RGL1: variants seen among roughly 807,000 people sequenced by gnomAD.
RGL1 encodes ral guanine nucleotide dissociation stimulator like 1.
A neutral mutation model predicts 95.2 loss-of-function variants in RGL1; 24 were observed. The observed-to-expected ratio is 0.25, with a 90% CI of 0.18 to 0.35. The LOEUF is 0.35. RGL1 is among the 10% of genes least tolerant of loss of function. The probability of loss-of-function intolerance (pLI) is 1.00; values close to 1 mark genes in which losing one functional copy is unlikely to be tolerated. For missense variants in RGL1, 715 were observed against 936.3 expected (o/e 0.76, Z 3.08); for synonymous variants, 329 against 344.9 (o/e 0.95, Z 0.51).
At chr1:183,704,818 T>G (rs1654804350) in intron 1 of RGL1, among the ~76,000 whole-genome samples, 1 of 152,140 alleles carries the variant, frequency 6.6e-6, no homozygotes, top group African/African-American at 2.4e-5. Flanking sequence ...AACTGTTAGG[T>G]TGGCATGAAG....
intron 2 of RGL1, among the ~76,000 whole-genome samples, chr1:183,815,815 C>T (rs1254712680): frequency 6.6e-6 from 1 of 152,042 alleles, no homozygotes; most frequent in Non-Finnish European, 1.5e-5. Context: ...ATATGGTGTG[C>T]ACTCAACTCA....
Position 183,675,561 on chromosome 1 carries a change from A to G in RGL1, c.-33+39060A>G, listed in dbSNP as rs1652775538. Among the ~76,000 whole-genome samples the G allele has an allele frequency of 2.6e-5, 4 of 152,324 alleles. No individual in the cohort carries two copies. The South Asian group carries it at 8.3e-4, about 32-fold the overall frequency. ...ACCCAAGGATTCCTTTATTTCAGCC[A>G]TTTAACTAATGCTTAAATTCTTTCC... On this transcript the variant is annotated intron_variant, in intron 1 of 18. Transcript: ENST00000304685.
At chr1:183,884,637 T>C in intron 6 of RGL1, 86 bp from the exon 7 acceptor site, 32 of 1,140,110 alleles carry the variant, frequency 2.8e-5, no homozygotes, top group Non-Finnish European at 4.1e-5. Flanking sequence ...TTCACAAAAA[T>C]ACCAATTTAC....
At position 183,927,147 on chromosome 1, in the gene RGL1, A is replaced by G. The variant is rs1669659619; in HGVS notation, c.*855A>G. On this transcript the variant is annotated 3_prime_UTR_variant, in exon 18 of 18. Coordinates refer to ENST00000360851, the MANE Select transcript of RGL1 (RefSeq NM_001297671.3). ...CCATGTTCTTTGGTAATGAAGCCAG[A>G]AAAGAAAGCGCAAAAGAATGGTGAC... The G allele has an allele frequency of 6.6e-6, 1 of 152,628 alleles. No homozygotes were observed. Among genetic ancestry groups the G allele is most frequent in the Non-Finnish European group, 1.5e-5 (1 of 68,028 alleles). 9.5% of individuals were successfully genotyped at this position (152,628 alleles called of 1,614,324 possible). A position where few individuals can be genotyped will look rare whatever the true frequency, so the allele number is the denominator to read the frequency against.
intron 4 of RGL1, among the ~76,000 whole-genome samples, chr1:183,878,516 A>G (rs150044649): frequency 6.6e-6 from 1 of 152,298 alleles, no homozygotes; most frequent in East Asian, 1.9e-4. Flanking sequence ...GTATATTTAA[A>G]TATGTATACA....
chr1:183,867,915 T>G (rs1665935712), intron 4 of RGL1, among the ~76,000 whole-genome samples: 1 of 152,246 alleles, frequency 6.6e-6, no homozygotes, highest in African/African-American at 2.4e-5. Flanking sequence ...AGTATCTTTT[T>G]TAACTCCTGA....
intron 1 of RGL1, among the ~76,000 whole-genome samples, chr1:183,668,570 T>C (rs1446315072): frequency 3.3e-5 from 5 of 152,134 alleles, no homozygotes; most frequent in Non-Finnish European, 7.4e-5. Flanking sequence ...CCCAAAGTGT[T>C]CAGATTACAG....
chr1:183,779,880 T>A (rs910748253), intron 2 of RGL1, among the ~76,000 whole-genome samples: 5 of 152,070 alleles, frequency 3.3e-5, no homozygotes, highest in African/African-American at 9.7e-5. Context: ...GCATAGTGTG[T>A]GGGTGAAGAA....
rs747330647 is a variant in RGL1, at chr1:183,880,671, G to A, written c.481G>A (p.Glu161Lys). ...WLDQCAEDFR[E>K]PPHFPCLQKL... ...TGACCAGTGTGCAGAAGACTTCCGA[G>A]AGCCCCCTCACTTCCCTTGCTTACA... Residue 161 changes from glutamate to lysine, a missense_variant, in exon 5 of 18, where the codon GAG (glutamate) becomes AAG (lysine). Physicochemically the swap from Glu to Lys is moderately conservative, Grantham distance 56. Transcript: ENST00000360851. The A allele has an allele frequency of 6.2e-7, 1 of 1,613,928 alleles. No individual in the cohort carries two copies.
rs555659523 is a variant in RGL1 at position 183,781,327 on chromosome 1, A to T, written c.133-25048A>T. On this transcript the variant is annotated intron_variant, in intron 2 of 18. Coordinates refer to the RGL1 transcript ENST00000304685. ...ACTTCCCCCTTACCTTAGCTGGCTG[A>T]AAGTATTATGGATTGCTCTGCTAAG... Among the ~76,000 whole-genome samples, 6 of 152,310 alleles carry T rather than the reference A, an allele frequency of 3.9e-5. No homozygotes were observed. The East Asian group carries it at 7.7e-4, about 20-fold the overall frequency.
intron 14 of RGL1, among the ~76,000 whole-genome samples, chr1:183,907,815 T>G (rs1012309522): frequency 1.3e-5 from 2 of 151,908 alleles, no homozygotes; most frequent in Non-Finnish European, 2.9e-5. Flanking sequence ...TGTAGTGAGA[T>G]CCTGTCTCTA....
upstream of RGL1, among the ~76,000 whole-genome samples, chr1:183,801,626 C>T (rs1190189053): frequency 6.6e-6 from 1 of 152,124 alleles, no homozygotes; most frequent in African/African-American, 2.4e-5. Flanking sequence ...CTTTGTGTTG[C>T]TATAAAGGAA....
At chr1:183,779,670 G>A (rs994128210) in intron 2 of RGL1, among the ~76,000 whole-genome samples, 17 of 152,140 alleles carry the variant, frequency 1.1e-4, no homozygotes, top group African/African-American at 4.1e-4. Flanking sequence ...TTAATTCTGG[G>A]TCAAGGTGAG....
intron 2 of RGL1, among the ~76,000 whole-genome samples, chr1:183,828,741 T>G (rs544183483): frequency 1.1e-3 from 162 of 152,316 alleles, no homozygotes; most frequent in African/African-American, 3.0e-3. Flanking sequence ...AATTTACTAG[T>G]CAAAAATGAA....
intron 1 of RGL1, among the ~76,000 whole-genome samples, chr1:183,661,299 A>G: frequency 6.6e-6 from 1 of 152,208 alleles, no homozygotes; most frequent in African/African-American, 2.4e-5. Context: ...AACAAAATTG[A>G]TAGACCGCTA....
At chr1:183,695,483 T>C (rs1348428894) in intron 1 of RGL1, among the ~76,000 whole-genome samples, 6 of 152,220 alleles carry the variant, frequency 3.9e-5, no homozygotes, top group African/African-American at 1.4e-4. Context: ...TTTATGTGAT[T>C]TGTACAAATT....
chr1:183,853,561 T>C (rs7549804), intron 3 of RGL1, among the ~76,000 whole-genome samples: 20,411 of 152,266 alleles, frequency 0.13, 1,805 homozygotes, highest in Middle Eastern at 0.23. Context: ...GACTTAAATT[T>C]GCTTGCTTAT....
At chr1:183,835,946 A>G (rs1663619946) in intron 2 of RGL1, among the ~76,000 whole-genome samples, 1 of 152,188 alleles carries the variant, frequency 6.6e-6, no homozygotes, top group Admixed American at 6.5e-5. Flanking sequence ...TTGTGTTTTT[A>G]GGGAATATTC....
chr1:183,747,855 A>C (rs1283795434), intron 2 of RGL1, among the ~76,000 whole-genome samples: 1 of 152,188 alleles, frequency 6.6e-6, no homozygotes, highest in Non-Finnish European at 1.5e-5. Context: ...TCATAAAATG[A>C]GTTAGGGAGG....
Sources: gnomAD v4.1 joint callset for allele counts (sites outside exome capture counted in the v4.1 genomes callset) on GRCh38, gnomAD v4.1.1 for gene constraint, MANE v1.5 for transcripts, NCBI Gene and HGNC (gene_info 2026-07-23, HGNC 2026-07-21) for gene names.